Variants in RAB10 observed in about 807,000 individuals in gnomAD.
RAB10 encodes ras-related protein Rab-10.
In RAB10, 5 loss-of-function variants were observed where a neutral mutation model predicts 25.7. The observed-to-expected ratio is 0.19, with a 90% CI of 0.10 to 0.41. The LOEUF (loss-of-function observed/expected upper bound fraction) is 0.41. RAB10 is among the 10% of genes least tolerant of loss of function. The pLI is 1.00. For synonymous variants in RAB10, 89 were observed against 86.4 expected, an observed-to-expected ratio of 1.03 and a Z score of -0.16; for missense variants, 103 against 245.8, an observed-to-expected ratio of 0.42 and a Z score of 3.89.
At chr2:26,060,416 C>T (rs139455977) in intron 1 of RAB10, among the ~76,000 whole-genome samples, 2,920 of 152,260 alleles carry the variant, frequency 0.019, 279 homozygotes, top group Admixed American at 0.16. Flanking sequence ...CCTCAGCCTC[C>T]CGAGTAGCTG....
In RAB10 at chr2:26,135,437, A is replaced by G. The variant is rs1668091417; in HGVS notation, c.*416A>G. Reference sequence around the variant, plus strand: ...TGGATAATGTGCTTGAGTCCCTATAATCTATAGACATGTGATAGCAAAAGA... The same window carrying G: ...TGGATAATGTGCTTGAGTCCCTATAGTCTATAGACATGTGATAGCAAAAGA... On this transcript the variant is annotated 3_prime_UTR_variant, in exon 6 of 6. Transcript: ENST00000264710. 6.5e-6 allele frequency: 1 copy of G among 154,310 alleles called. No homozygotes were observed. The highest frequency in any genetic ancestry group is 1.4e-5 in the Non-Finnish European group (1 of 69,258). 9.6% of individuals were successfully genotyped at this position (154,310 alleles called of 1,614,324 possible).
chr2:26,113,945 A>G (rs1348925469), intron 3 of RAB10, among the ~76,000 whole-genome samples: 3 of 152,176 alleles, frequency 2.0e-5, no homozygotes, highest in East Asian at 3.8e-4. Flanking sequence ...TCTGTACACT[A>G]GCAATAACCT....
intron 1 of RAB10, among the ~76,000 whole-genome samples, chr2:26,092,942 A>G (rs1667139698): frequency 6.6e-6 from 1 of 152,202 alleles, no homozygotes; most frequent in South Asian, 2.1e-4. Context: ...TATGAGAAAC[A>G]TAATGGGGCA....
At chr2:26,079,276 C>T (rs1666808829) in intron 1 of RAB10, among the ~76,000 whole-genome samples, 2 of 151,208 alleles carry the variant, frequency 1.3e-5, no homozygotes, top group Non-Finnish European at 2.9e-5. Flanking sequence ...AATCTGGTTC[C>T]TCACGGAGTG....
chr2:26,105,838 T>C (rs1008095748), intron 2 of RAB10, among the ~76,000 whole-genome samples: 3 of 152,326 alleles, frequency 2.0e-5, no homozygotes, highest in South Asian at 2.1e-4. Context: ...CAAATACTTA[T>C]TGTGTTATAG....
At chr2:26,045,655 T>C (rs1168386237) in intron 1 of RAB10, among the ~76,000 whole-genome samples, 1 of 152,234 alleles carries the variant, frequency 6.6e-6, no homozygotes, top group East Asian at 1.9e-4. Context: ...GCACAAAATA[T>C]AAATTGTATG....
At chr2:26,075,546 A>T (rs375792641) in intron 1 of RAB10, among the ~76,000 whole-genome samples, 21 of 152,278 alleles carry the variant, frequency 1.4e-4, no homozygotes, top group African/African-American at 4.8e-4. Context: ...GTTTTACAAA[A>T]TTTTTTAAAA....
At chr2:26,053,274 G>A (rs973752240) in intron 1 of RAB10, among the ~76,000 whole-genome samples, 1 of 151,992 alleles carries the variant, frequency 6.6e-6, no homozygotes, top group Non-Finnish European at 1.5e-5. Context: ...TGTTCTTTAG[G>A]ATAGTGGAAT....
rs1667266644 is a variant in RAB10 at position 26,098,134 on chromosome 2, TTTTG to T, written c.128-527_128-524del. Among the ~76,000 whole-genome samples, 11 of 67,918 alleles carry T rather than the reference TTTTG, an allele frequency of 1.6e-4. No homozygotes were observed. In the Admixed American group the frequency reaches 1.9e-3, roughly 12 times the overall value. 44.6% of individuals were successfully genotyped at this position (67,918 alleles called of 152,430 possible). On this transcript the variant is annotated intron_variant, in intron 1 of 5. Transcript: ENST00000264710. The stretch of plus-strand genomic sequence containing the variant: ...CTTTTTTTTTTTTTTTTTTTTTTTT[TTTTG>T]AGACATGGTCTTGTTCTGTTGCCCA...
chr2:26,079,259 G>C (rs539167945), intron 1 of RAB10, among the ~76,000 whole-genome samples: 1 of 151,292 alleles, frequency 6.6e-6, no homozygotes, highest in East Asian at 1.9e-4. Flanking sequence ...TTTTATTCTA[G>C]TTAGCAAATC....
intron 1 of RAB10, among the ~76,000 whole-genome samples, chr2:26,047,645 G>C (rs939114809): frequency 6.6e-6 from 1 of 151,260 alleles, no homozygotes; most frequent in Non-Finnish European, 1.5e-5. Flanking sequence ...TTGAACGCCT[G>C]ACCTCAGGTG....
At position 26,099,417 on chromosome 2, in the gene RAB10, A is replaced by G. The variant is rs563598215; in HGVS notation, c.188+695A>G. 4.3e-4 allele frequency among the ~76,000 whole-genome samples: 66 copies of G among 152,304 alleles called. 2 individuals carry two copies. In the South Asian group the frequency reaches 0.013, roughly 29 times the overall value. ...GATAGTGAACATATTTGTCACCTCAAAAGTTTCCTCAAGCCTCTTTGTGAT... is the reference window on the plus strand; with the variant it reads ...GATAGTGAACATATTTGTCACCTCAGAAGTTTCCTCAAGCCTCTTTGTGAT... On this transcript the variant is annotated intron_variant, in intron 2 of 5. Coordinates refer to ENST00000264710, the MANE Select transcript of RAB10 (RefSeq NM_016131.5).
chr2:26,075,783 C>A (rs576894022), intron 1 of RAB10, among the ~76,000 whole-genome samples: 4 of 152,106 alleles, frequency 2.6e-5, no homozygotes, highest in South Asian at 4.2e-4. Flanking sequence ...AGGATAATAT[C>A]TGAATTCATT....
In RAB10 at chr2:26,113,447, A is replaced by C. The variant is rs377091961; in HGVS notation, c.327+3541A>C. On this transcript the variant is annotated intron_variant, in intron 3 of 5. Coordinates refer to ENST00000264710, the MANE Select transcript of RAB10 (RefSeq NM_016131.5). ...AAATCAGCCAGGTGTGATGGCAAAC[A>C]CCTGTAACCCCAGCTACTCGGGAGG... Among the ~76,000 whole-genome samples the C allele has an allele frequency of 4.6e-5, 7 of 151,812 alleles. 1 individual carries two copies. The East Asian group carries it at 1.4e-3, about 30-fold the overall frequency.
intron 2 of RAB10, among the ~76,000 whole-genome samples, chr2:26,107,432 G>T (rs1292427312): frequency 6.6e-6 from 1 of 152,146 alleles, no homozygotes; most frequent in Non-Finnish European, 1.5e-5. Context: ...ATATTTACAA[G>T]CCAGTGTATC....
At chr2:26,064,204 A>G (rs1386184041) in intron 1 of RAB10, among the ~76,000 whole-genome samples, 3 of 152,244 alleles carry the variant, frequency 2.0e-5, no homozygotes, top group African/African-American at 7.2e-5. Flanking sequence ...ATTAATAAAT[A>G]ATAATGAGGT....
Position 26,109,927 on chromosome 2 carries a change from A to G in RAB10, c.327+21A>G. 1 of 1,563,448 alleles carries G rather than the reference A, an allele frequency of 6.4e-7. No individual in the cohort carries two copies. Among genetic ancestry groups the G allele is most frequent in the South Asian group, 1.2e-5 (1 of 82,596 alleles). ...ATGAGGTAAGACCTAGAACTTGTAT[A>G]AACCCTTCATGAACACACATTTGTG... On this transcript the variant is annotated intron_variant, in intron 3 of 5. Coordinates refer to ENST00000264710, the MANE Select transcript of RAB10 (RefSeq NM_016131.5).
intron 1 of RAB10, among the ~76,000 whole-genome samples, chr2:26,094,960 C>T (rs189317757): frequency 1.1e-4 from 16 of 152,228 alleles, no homozygotes; most frequent in African/African-American, 3.4e-4. Flanking sequence ...TTTTATGTGG[C>T]GTTTAATGTT....
At chr2:26,068,395 C>G (rs1666555633) in intron 1 of RAB10, among the ~76,000 whole-genome samples, 1 of 152,028 alleles carries the variant, frequency 6.6e-6, no homozygotes, top group Admixed American at 6.6e-5. Context: ...ATGGTTGGCC[C>G]AGAAAATGTG....
Sources: gnomAD v4.1 joint callset for allele counts (sites outside exome capture counted in the v4.1 genomes callset) on GRCh38, gnomAD v4.1.1 for gene constraint, MANE v1.5 for transcripts, NCBI Gene and HGNC (gene_info 2026-07-23, HGNC 2026-07-21) for gene names.